The following EIPR1 variants were observed in gnomAD, a reference collection of about 807,000 sequenced individuals.
The protein encoded by EIPR1 is EARP and GARP complex-interacting protein 1.
Under a neutral mutation model 48.1 loss-of-function variants are expected in EIPR1, and 25 were observed. The ratio of observed to expected loss-of-function variants is 0.52; its 90% CI spans 0.38 to 0.73. The LOEUF (loss-of-function observed/expected upper bound fraction) is 0.73, where lower values mean the gene tolerates loss of function less well. Ranked by LOEUF, EIPR1 falls within the 30% of genes least tolerant of loss-of-function variation. The pLI, the probability that EIPR1 is intolerant of heterozygous loss-of-function variation, is 0.00. For synonymous variants in EIPR1, 204 were observed against 201.9 expected (o/e 1.01, Z -0.09); for missense variants, 415 against 506.2 (o/e 0.82, Z 1.73).
intron 4 of EIPR1, among the ~76,000 whole-genome samples, chr2:3,248,861 C>A (rs1666920557): frequency 6.6e-6 from 1 of 152,206 alleles, no homozygotes; most frequent in South Asian, 2.1e-4. Context: ...ATGCACTGGG[C>A]CCCTTTCACC....
At chr2:3,349,208 C>A (rs1485536767) in intron 2 of EIPR1, among the ~76,000 whole-genome samples, 2 of 152,240 alleles carry the variant, frequency 1.3e-5, no homozygotes, top group Non-Finnish European at 2.9e-5. Flanking sequence ...AGTCCCGATT[C>A]TGCCACGCAC....
chr2:3,349,693 TGAGATGGGGACAGGGAGCATGCTGG>T (rs1476024278), intron 2 of EIPR1, among the ~76,000 whole-genome samples: 1 of 132,230 alleles, frequency 7.6e-6, no homozygotes, highest in Non-Finnish European at 1.6e-5. Context: ...GAGGACGCTG[TGAGATGGGGACAGGGAGCATGCTGG>T]GAGATGGGGA....
chr2:3,191,150 C>T (rs898501404), intron 8 of EIPR1, among the ~76,000 whole-genome samples: 1 of 152,022 alleles, frequency 6.6e-6, no homozygotes, highest in Non-Finnish European at 1.5e-5. Context: ...ATGGGCCCAT[C>T]GCCACTGCAG....
chr2:3,295,565 C>G (rs4854172), intron 3 of EIPR1, among the ~76,000 whole-genome samples: 18 of 75,030 alleles, frequency 2.4e-4, no homozygotes, highest in East Asian at 8.6e-4. Flanking sequence ...CATCCTCTCT[C>G]CACACACACA....
At chr2:3,297,103 C>T (rs953943651) in intron 3 of EIPR1, among the ~76,000 whole-genome samples, 4 of 152,172 alleles carry the variant, frequency 2.6e-5, no homozygotes, top group African/African-American at 4.8e-5. Flanking sequence ...ATTAGGTGGG[C>T]TTAATTGTGT....
intron 3 of EIPR1, among the ~76,000 whole-genome samples, chr2:3,318,289 G>A (rs960368732): frequency 9.2e-5 from 14 of 152,178 alleles, no homozygotes; most frequent in South Asian, 4.1e-4. Context: ...GCACCCCCTC[G>A]TGGGCTGAAA....
chr2:3,286,328 G>C lies in EIPR1; in HGVS notation c.260-28873C>G, dbSNP rs1668184747. ...TATGACGTGTACACACACTGCTCCTGTGTAAACGTGTGGCCGTGACATGGC... is the reference window on the plus strand; with the variant it reads ...TATGACGTGTACACACACTGCTCCTCTGTAAACGTGTGGCCGTGACATGGC... On this transcript the variant is annotated intron_variant, in intron 3 of 8. Coordinates refer to ENST00000382125, the MANE Select transcript of EIPR1 (RefSeq NM_003310.5). The surrounding 1 kb of genome is among the most constrained non-coding windows in gnomAD (Gnocchi z 4.2). Among the ~76,000 whole-genome samples, 1 of 152,244 alleles carries C rather than the reference G, an allele frequency of 6.6e-6. No individual in the cohort carries two copies. Among genetic ancestry groups the C allele is most frequent in the African/African-American group, 2.4e-5 (1 of 41,460 alleles).
chr2:3,344,620 T>C (rs1014659873), intron 2 of EIPR1, among the ~76,000 whole-genome samples: 1 of 150,448 alleles, frequency 6.6e-6, no homozygotes. Context: ...TAGAAACATA[T>C]ACTGGTTCTG....
chr2:3,298,918 C>T (rs1000764861), intron 3 of EIPR1, among the ~76,000 whole-genome samples: 1 of 152,138 alleles, frequency 6.6e-6, no homozygotes, highest in African/African-American at 2.4e-5. Context: ...CATCGTCTGA[C>T]TCGGTGTTAA....
intron 3 of EIPR1, among the ~76,000 whole-genome samples, chr2:3,300,648 G>GAA (rs935295904): frequency 1.4e-5 from 2 of 144,082 alleles, no homozygotes; most frequent in East Asian, 2.0e-4. Flanking sequence ...CCATTTCCAT[G>GAA]AAAAAAAAAA....
chr2:3,210,753 C>G (rs574739141), intron 5 of EIPR1, among the ~76,000 whole-genome samples: 10 of 152,070 alleles, frequency 6.6e-5, no homozygotes, highest in Admixed American at 2.6e-4. Flanking sequence ...GCCCTAGCCT[C>G]CTGAGTAGCT....
Position 3,206,414 on chromosome 2 carries a change from C to T in EIPR1, c.516+7735G>A, listed in dbSNP as rs542506579. Among the ~76,000 whole-genome samples the T allele has an allele frequency of 5.9e-5, 9 of 152,302 alleles. No homozygotes were observed. In the South Asian group the frequency reaches 8.3e-4, roughly 14 times the overall value. On this transcript the variant is annotated intron_variant, in intron 5 of 8. Transcript: ENST00000382125. ...CCAAGGGTACCATCCCCTGGGGAGA[C>T]GAAGTCTGAGATGCACAGAGCTGAC...
At chr2:3,269,253 A>G (rs905313719) in intron 3 of EIPR1, among the ~76,000 whole-genome samples, 2 of 150,688 alleles carry the variant, frequency 1.3e-5, no homozygotes, top group African/African-American at 4.9e-5. Flanking sequence ...GCACTCAGTC[A>G]TCGCACTCAG....
intron 3 of EIPR1, among the ~76,000 whole-genome samples, chr2:3,285,703 C>T (rs1348783787): frequency 2.2e-5 from 3 of 139,530 alleles, no homozygotes; most frequent in South Asian, 5.1e-4. Context: ...CGACTGTCTC[C>T]GGGACCCTCG....
chr2:3,356,032 G>A (rs905676289), intron 1 of EIPR1, among the ~76,000 whole-genome samples: 14 of 152,198 alleles, frequency 9.2e-5, no homozygotes, highest in African/African-American at 3.4e-4. Context: ...TTCCATGTTG[G>A]GGTGAAGGAG....
intron 4 of EIPR1, among the ~76,000 whole-genome samples, chr2:3,243,891 G>A (rs547499197): frequency 1.8e-4 from 27 of 152,198 alleles, no homozygotes; most frequent in Non-Finnish European, 2.1e-4. Flanking sequence ...CCATGCTGGA[G>A]GCCTCACAGT....
chr2:3,212,029 C>T (rs1421156704), intron 5 of EIPR1, among the ~76,000 whole-genome samples: 2 of 152,230 alleles, frequency 1.3e-5, no homozygotes, highest in Non-Finnish European at 1.5e-5. Flanking sequence ...ATTAGATTCA[C>T]CACAGAAGGC....
chr2:3,231,111 T>C (rs374960326), intron 4 of EIPR1, among the ~76,000 whole-genome samples: 8 of 152,226 alleles, frequency 5.3e-5, no homozygotes, highest in African/African-American at 1.9e-4. Context: ...TTGATGCTGT[T>C]GTAAATGGAA....
rs1668060497 is a variant in EIPR1, at chr2:3,282,978, C to A, written c.260-25523G>T. On this transcript the variant is annotated intron_variant, in intron 3 of 8. Coordinates refer to ENST00000382125, the MANE Select transcript of EIPR1 (RefSeq NM_003310.5). ...GTCAGCTACAGAGCAGCGGAATAGC[C>A]CTGAATACCTAGGGGTGATCTGTCC... Among the ~76,000 whole-genome samples, 3 of 152,196 alleles carry A rather than the reference C, an allele frequency of 2.0e-5. No homozygotes were observed. In the South Asian group the frequency reaches 6.2e-4, roughly 32 times the overall value.
Sources: allele counts gnomAD v4.1 joint callset (sites outside exome capture counted in the v4.1 genomes callset), GRCh38; gene constraint gnomAD v4.1.1; non-coding constraint Gnocchi (gnomAD v3.1); transcripts MANE v1.5; gene names NCBI Gene and HGNC (gene_info 2026-07-23, HGNC 2026-07-21).